The following MBNL3 variants were observed in gnomAD, a reference collection of about 807,000 sequenced individuals.
MBNL3 encodes muscleblind-like protein 3.
Under a neutral mutation model 24.5 loss-of-function variants are expected in MBNL3, and 6 were observed. That is an observed-to-expected ratio of 0.25 (90% confidence interval 0.13 to 0.48). The LOEUF (loss-of-function observed/expected upper bound fraction) is 0.48. Ranked by LOEUF, MBNL3 falls within the 20% of genes least tolerant of loss-of-function variation. MBNL3 has a pLI of 0.99. For missense variants in MBNL3, 230 were observed against 293.5 expected (o/e 0.78, Z 1.58); for synonymous variants, 100 against 101.7 (o/e 0.98, Z 0.10).
At chrX:132,392,008 A>T in intron 4 of MBNL3, 135 bp downstream of exon 4, 1 of 486,835 alleles carries the variant, frequency 2.1e-6, no homozygotes, top group Non-Finnish European at 3.3e-6. Flanking sequence ...TGCAGTACTA[A>T]AATGTTTAAC....
intron 2 of MBNL3, among the ~76,000 whole-genome samples, chrX:132,420,119 T>C (rs1943656702): frequency 9.0e-6 from 1 of 111,402 alleles, no homozygotes; most frequent in Non-Finnish European, 1.9e-5. Flanking sequence ...TCTTGGGCCA[T>C]GCAGTGAGTC....
intron 3 of MBNL3, among the ~76,000 whole-genome samples, chrX:132,392,970 T>A (rs1221949139): frequency 1.8e-5 from 2 of 111,702 alleles, no homozygotes; most frequent in African/African-American, 3.2e-5. Context: ...GTTATTTTTT[T>A]AAATCAGAGG....
chrX:132,458,307 T>TA (rs370390027), intron 1 of MBNL3, among the ~76,000 whole-genome samples: 3,189 of 98,844 alleles, frequency 0.032, 115 homozygotes, highest in African/African-American at 0.098. Flanking sequence ...TACCCTTCAT[T>TA]AAAAAAAAAA....
At chrX:132,489,462 G>C (rs750120952), upstream of MBNL3, among the ~76,000 whole-genome samples, 19 of 111,451 alleles carry the variant, frequency 1.7e-4, no homozygotes, top group Middle Eastern at 9.5e-3. Flanking sequence ...CGGGCTCGCA[G>C]CTACCATAGC....
intron 2 of MBNL3, among the ~76,000 whole-genome samples, chrX:132,428,868 T>A (rs1944519048): frequency 8.9e-6 from 1 of 112,931 alleles, no homozygotes; most frequent in Middle Eastern, 4.6e-3. Context: ...ATTTCAGCTA[T>A]GCTACATGAA....
At chrX:132,445,360 G>A (rs1288781669) in intron 1 of MBNL3, among the ~76,000 whole-genome samples, 3 of 110,303 alleles carry the variant, frequency 2.7e-5, no homozygotes, top group Non-Finnish European at 3.8e-5. Context: ...CGTTCTGTAA[G>A]GAATATAAGA....
rs186622268 is a variant in MBNL3 at position 132,425,980 on chromosome X, G to C, written c.177+13455C>G. Among the ~76,000 whole-genome samples the C allele has an allele frequency of 3.3e-3, 369 of 111,660 alleles. 1 individual carries two copies. The highest frequency in any genetic ancestry group is 0.011 in the African/African-American group (351 of 30,775). On this transcript the variant is annotated intron_variant, in intron 2 of 8. Coordinates refer to ENST00000370853, the MANE Select transcript of MBNL3 (RefSeq NM_001386889.1). The stretch of plus-strand genomic sequence containing the variant: ...GGCCATCAAATCTAGGTTAAAATGT[G>C]GTTGAGTGAGGAAAGTTGGCACATG...
intron 2 of MBNL3, among the ~76,000 whole-genome samples, chrX:132,418,298 A>G (rs144839348): frequency 0.014 from 1,601 of 112,228 alleles, 29 homozygotes; most frequent in African/African-American, 0.048. Flanking sequence ...CTTAATATTA[A>G]TGGCTAACTT....
rs1462456721 is a variant in MBNL3, at chrX:132,390,874, CTGA to C, written c.741_743del (p.His247del). 3 of 1,208,887 alleles carry C rather than the reference CTGA, an allele frequency of 2.5e-6. No individual in the cohort carries two copies. The African/African-American group carries it at 5.3e-5, about 21-fold the overall frequency. On this transcript the variant is annotated inframe_deletion, in exon 5 of 9. Transcript: ENST00000370853. ...TGGCAGAGGCAGCTGAATGGTTCAT[CTGA>C]TGATGAGCTGCCTTGAGTCTGGCTT... is the stretch of plus-strand genomic sequence containing the variant.
intron 3 of MBNL3, among the ~76,000 whole-genome samples, chrX:132,394,652 C>A (rs963135661): frequency 3.6e-5 from 4 of 112,081 alleles, no homozygotes; most frequent in African/African-American, 1.3e-4. Context: ...GGTGAATTTT[C>A]CAGATTAAAA....
chrX:132,390,150 G>A (rs1936866938), intron 5 of MBNL3, among the ~76,000 whole-genome samples: 1 of 105,997 alleles, frequency 9.4e-6, no homozygotes, highest in Non-Finnish European at 1.9e-5. Context: ...CTGAGATCAC[G>A]CCACTGCACC....
In MBNL3 at chrX:132,371,831, G is replaced by A. The variant is rs1933636767; in HGVS notation, c.*7835C>T. On this transcript the variant is annotated 3_prime_UTR_variant, in exon 9 of 9. Transcript: ENST00000370853. The stretch of plus-strand genomic sequence containing the variant: ...ATCTACATAATTCAAAATACTGATG[G>A]TATATTTGGAAATAAATTTACTCTA... 9.0e-6 allele frequency: 1 copy of A among 111,056 alleles called. No homozygotes were observed. Among genetic ancestry groups the A allele is most frequent in the Admixed American group, 9.6e-5 (1 of 10,382 alleles). The allele number at this position is 111,056 out of a possible 1,213,427, so 9.2% of individuals were successfully genotyped here.
intron 1 of MBNL3, among the ~76,000 whole-genome samples, chrX:132,442,258 A>G (rs1252222859): frequency 1.8e-5 from 2 of 112,033 alleles, no homozygotes; most frequent in African/African-American, 6.5e-5. Context: ...TAATATGTGA[A>G]TTACATCCCA....
At chrX:132,440,569 G>A (rs1436772990) in intron 1 of MBNL3, among the ~76,000 whole-genome samples, 1 of 111,463 alleles carries the variant, frequency 9.0e-6, no homozygotes, top group East Asian at 2.8e-4. Flanking sequence ...GAGGTGGGGT[G>A]GAGGATGGAA....
At chrX:132,489,766 G>GGCCCCGCCCC (rs1458540170), upstream of MBNL3, 1 of 109,017 alleles carries the variant, frequency 9.2e-6, no homozygotes, top group Non-Finnish European at 1.9e-5. Flanking sequence ...GCGGCCGCCC[G>GGCCCCGCCCC]GCCCCGCCCC....
At chrX:132,396,784 T>TCATATATA (rs1162209036) in intron 3 of MBNL3, among the ~76,000 whole-genome samples, 3 of 31,151 alleles carry the variant, frequency 9.6e-5, no homozygotes, top group Non-Finnish European at 1.4e-4. Context: ...ATATATATAT[T>TCATATATA]CATATATATA....
At chrX:132,422,166 C>T (rs938185138) in intron 2 of MBNL3, among the ~76,000 whole-genome samples, 1 of 110,084 alleles carries the variant, frequency 9.1e-6, no homozygotes, top group Non-Finnish European at 1.9e-5. Context: ...TACATATACA[C>T]ACCCTTTTGT....
chrX:132,402,686 G>A (rs956665164), intron 3 of MBNL3, among the ~76,000 whole-genome samples: 1 of 111,561 alleles, frequency 9.0e-6, no homozygotes, highest in Non-Finnish European at 1.9e-5. Flanking sequence ...CTTTTATACT[G>A]GCAAATGTCA....
At chrX:132,481,327 T>C (rs994428568) in intron 1 of MBNL3, among the ~76,000 whole-genome samples, 1 of 112,449 alleles carries the variant, frequency 8.9e-6, no homozygotes, top group African/African-American at 3.2e-5. Context: ...TTAACACAGG[T>C]TACAGATTCA....
Sources: allele counts gnomAD v4.1 joint callset (sites outside exome capture counted in the v4.1 genomes callset), GRCh38; gene constraint gnomAD v4.1.1; transcripts MANE v1.5; gene names NCBI Gene and HGNC (gene_info 2026-07-23, HGNC 2026-07-21).